Variants in DDX19B observed in about 807,000 individuals in gnomAD.
DDX19B encodes the protein ATP-dependent RNA helicase DDX19B.
Under a neutral mutation model 58.1 loss-of-function variants are expected in DDX19B, and 27 were observed. The observed-to-expected ratio is 0.46, with a 90% CI of 0.34 to 0.64. DDX19B has a LOEUF of 0.64. Ranked by LOEUF, DDX19B falls within the 30% of genes least tolerant of loss-of-function variation. DDX19B has a pLI of 0.01. For synonymous variants in DDX19B, 187 were observed against 214.4 expected (o/e 0.87, Z 1.12); for missense variants, 399 against 596.5 (o/e 0.67, Z 3.45).
intron 1 of DDX19B, among the ~76,000 whole-genome samples, chr16:70,301,097 T>G (rs1961464247): frequency 6.6e-6 from 1 of 152,174 alleles, no homozygotes; most frequent in Non-Finnish European, 1.5e-5. Flanking sequence ...CCCTTCAGCC[T>G]CATTCTGCAG....
At chr16:70,326,054 G>T (rs966576141) in intron 7 of DDX19B, among the ~76,000 whole-genome samples, 2 of 152,208 alleles carry the variant, frequency 1.3e-5, no homozygotes, top group Admixed American at 6.6e-5. Flanking sequence ...CCAAGATCAA[G>T]TTAGCGTTTA....
intron 5 of DDX19B, among the ~76,000 whole-genome samples, chr16:70,318,980 T>G (rs1352730337): frequency 6.6e-6 from 1 of 151,256 alleles, no homozygotes; most frequent in Non-Finnish European, 1.5e-5. Context: ...GGTGGGCGCC[T>G]GTGGTCCCAG....
In DDX19B at chr16:70,315,822, TTAATTTA is replaced by T. The variant is rs1962368812; in HGVS notation, c.161-143_161-137del. 6 of 1,147,678 alleles carry T rather than the reference TTAATTTA, an allele frequency of 5.2e-6. No individual in the cohort carries two copies. In the South Asian group the frequency reaches 1.0e-4, roughly 20 times the overall value. 71.1% of individuals were successfully genotyped at this position (1,147,678 alleles called of 1,614,324 possible). ...AACTTTTTTCTTTAATAAAACTATT[TTAATTTA>T]TAAGTCAAAACTATGACGTACCTTG... On this transcript the variant is annotated intron_variant, in intron 3 of 11. Coordinates refer to ENST00000288071, the MANE Select transcript of DDX19B (RefSeq NM_007242.7).
chr16:70,294,830 G>T (rs1302897087), upstream of DDX19B: 5 of 1,491,028 alleles, frequency 3.4e-6, no homozygotes, highest in Non-Finnish European at 4.4e-6. Context: ...GAGTGTAACT[G>T]CCATGCTCAG....
intron 5 of DDX19B, among the ~76,000 whole-genome samples, chr16:70,321,835 A>T (rs1962839622): frequency 6.6e-6 from 1 of 151,732 alleles, no homozygotes; most frequent in Admixed American, 6.6e-5. Context: ...GGAGTTCGAG[A>T]CCAGGCTGGC....
chr16:70,297,701 A>C (rs1382925182), upstream of DDX19B, among the ~76,000 whole-genome samples: 1 of 152,148 alleles, frequency 6.6e-6, no homozygotes, highest in Non-Finnish European at 1.5e-5. Context: ...AACTACTAAA[A>C]GCCCAAGATA....
At chr16:70,301,115 C>T (rs192956681) in intron 1 of DDX19B, among the ~76,000 whole-genome samples, 4 of 152,290 alleles carry the variant, frequency 2.6e-5, no homozygotes, top group East Asian at 3.9e-4. Flanking sequence ...CAGATTCCTT[C>T]CTCCTTTCTC....
At chr16:70,320,726 T>G (rs1385975169) in intron 5 of DDX19B, among the ~76,000 whole-genome samples, 1 of 150,852 alleles carries the variant, frequency 6.6e-6, no homozygotes, top group African/African-American at 2.4e-5. Flanking sequence ...GCTAATTTTT[T>G]TTTTGTATTT....
intron 1 of DDX19B, among the ~76,000 whole-genome samples, chr16:70,301,420 C>A (rs28733806): frequency 6.6e-6 from 1 of 151,816 alleles, no homozygotes; most frequent in Non-Finnish European, 1.5e-5. Context: ...TGAGACCATC[C>A]TGATTCTTGA....
rs28827617 is a variant in DDX19B, at chr16:70,327,164, G to A, written c.607+1476G>A. ...CTTTTTTTTATTTTGAGACAGTTTCGCTAGGTCACCTAGGCTGGAGTTCTG... is the reference window on the plus strand; with the variant it reads ...CTTTTTTTTATTTTGAGACAGTTTCACTAGGTCACCTAGGCTGGAGTTCTG... On this transcript the variant is annotated intron_variant, in intron 7 of 11. Transcript: ENST00000288071. Among the ~76,000 whole-genome samples, 871 of 151,612 alleles carry A rather than the reference G, an allele frequency of 5.7e-3. 4 individuals carry two copies. Among genetic ancestry groups the A allele is most frequent in the African/African-American group, 0.02 (812 of 41,344 alleles).
At chr16:70,327,460 G>C (rs943903323) in intron 7 of DDX19B, among the ~76,000 whole-genome samples, 1 of 152,114 alleles carries the variant, frequency 6.6e-6, no homozygotes, top group Non-Finnish European at 1.5e-5. Flanking sequence ...TTGAACCCGG[G>C]AGGTGGAGGT....
chr16:70,333,223 G>T, intron 11 of DDX19B, 64 bp downstream of exon 11: 1 of 785,900 alleles, frequency 1.3e-6, no homozygotes, highest in Non-Finnish European at 2.0e-6. Context: ...TGGTGAAAGG[G>T]GTAGGATCTT....
intron 1 of DDX19B, among the ~76,000 whole-genome samples, chr16:70,309,678 C>T (rs1005163332): frequency 3.3e-5 from 5 of 151,424 alleles, no homozygotes; most frequent in South Asian, 2.1e-4. Flanking sequence ...ATTAGCTGTG[C>T]GTAGTTGCAC....
chr16:70,292,966 T>C (rs1185825479), upstream of DDX19B, among the ~76,000 whole-genome samples: 1 of 151,770 alleles, frequency 6.6e-6, no homozygotes, highest in East Asian at 1.9e-4. Flanking sequence ...ATTATCTGGG[T>C]GTGGTGGCGG....
chr16:70,305,755 T>A (rs1315295332), intron 1 of DDX19B, among the ~76,000 whole-genome samples: 1 of 152,016 alleles, frequency 6.6e-6, no homozygotes, highest in African/African-American at 2.4e-5. Flanking sequence ...TATTATTTTT[T>A]AAATTTTTAT....
Position 70,317,677 on chromosome 16 carries a change from G to A in DDX19B, c.389+89G>A, listed in dbSNP as rs1962508270. 21 of 1,195,008 alleles carry A rather than the reference G, an allele frequency of 1.8e-5. No individual in the cohort carries two copies. In the South Asian group the frequency reaches 2.8e-4, roughly 16 times the overall value. 74.0% of individuals were successfully genotyped at this position (1,195,008 alleles called of 1,614,324 possible). A position where few individuals can be genotyped will look rare whatever the true frequency, so the allele number is the denominator to read the frequency against. ...TTCACAGGCCAGCAAGGTGGCTTAT[G>A]CCTATAATCCCAGCAACCTGAGAGG... is the stretch of plus-strand genomic sequence containing the variant. On this transcript the variant is annotated intron_variant, in intron 5 of 11. Transcript: ENST00000288071.
At chr16:70,329,091 C>G (rs1463318435) in intron 7 of DDX19B, among the ~76,000 whole-genome samples, 1 of 151,048 alleles carries the variant, frequency 6.6e-6, no homozygotes, top group Non-Finnish European at 1.5e-5. Context: ...GGTGCAGTGG[C>G]AGGTGCCTGT....
intron 10 of DDX19B, among the ~76,000 whole-genome samples, chr16:70,332,765 A>T (rs1963544779): frequency 6.6e-6 from 1 of 152,022 alleles, no homozygotes; most frequent in Admixed American, 6.6e-5. Context: ...TTTGGTATCT[A>T]TGCCTGTAGC....
chr16:70,306,060 G>A (rs1389341264), intron 1 of DDX19B, among the ~76,000 whole-genome samples: 1 of 152,014 alleles, frequency 6.6e-6, no homozygotes, highest in Non-Finnish European at 1.5e-5. Flanking sequence ...ACAGCACCCG[G>A]CCTGTTTTTT....
Sources: gnomAD v4.1 joint callset for allele counts (sites outside exome capture counted in the v4.1 genomes callset) on GRCh38, gnomAD v4.1.1 for gene constraint, MANE v1.5 for transcripts, NCBI Gene and HGNC (gene_info 2026-07-23, HGNC 2026-07-21) for gene names.